The following FANCM variants were observed in gnomAD, a reference collection of about 807,000 sequenced individuals.
The protein encoded by FANCM is FA complementation group M.
A neutral mutation model predicts 199.5 loss-of-function variants in FANCM; 140 were observed. The ratio of observed to expected loss-of-function variants is 0.70; its 90% CI spans 0.61 to 0.81. FANCM has a LOEUF of 0.81. FANCM is among the 30% of genes least tolerant of loss of function. The pLI, the probability that FANCM is intolerant of heterozygous loss-of-function variation, is 0.00. For missense variants in FANCM, 2,410 were observed against 2,421.4 expected, an observed-to-expected ratio of 1.00 and a Z score of 0.10; for synonymous variants, 840 against 836.8, an observed-to-expected ratio of 1.00 and a Z score of -0.07.
chr14:45,147,479 C>T (rs1221376383), intron 3 of FANCM, among the ~76,000 whole-genome samples: 1 of 152,012 alleles, frequency 6.6e-6, no homozygotes, highest in Non-Finnish European at 1.5e-5. Context: ...TATGGGGTCT[C>T]ACTATGTTGC....
intron 3 of FANCM, among the ~76,000 whole-genome samples, chr14:45,148,200 A>AACACACACAGAC (rs1886560956): frequency 1.4e-5 from 2 of 142,354 alleles, no homozygotes; most frequent in African/African-American, 5.2e-5. Flanking sequence ...CCGTCTCAAA[A>AACACACACAGAC]ACACACACAC....
rs1236313873 is a variant in FANCM, at chr14:45,177,000, CTA to C, written c.4222+27_4222+28del. On this transcript the variant is annotated intron_variant, in intron 14 of 22. Transcript: ENST00000267430. ...AGGTAAGATTCCATCTTTATAAAGT[CTA>C]TAACTCTTTCTAGAATAATTACTCT... 5.7e-6 allele frequency: 8 copies of C among 1,400,418 alleles called. No homozygotes were observed. The African/African-American group carries it at 8.5e-5, about 15-fold the overall frequency. The allele number at this position is 1,400,418 out of a possible 1,614,324, so 86.7% of individuals were successfully genotyped here.
Position 45,181,668 on chromosome 14 carries a change from T to C in FANCM, c.4349T>C (p.Leu1450Pro). Residue 1450 changes from leucine (L) to proline (P), a missense_variant, in exon 16 of 23, where the codon CTT (leucine) becomes CCT (proline). By Grantham distance (98) the Leu-to-Pro change is moderately conservative. Transcript: ENST00000267430. ...AAAAATAGTGAAGTTGATTCTCCAC[T>C]TCATGCTGTCAAAAAGCGCAGATTT... ...DQKNSEVDSP[L>P]HAVKKRRFPI... The C allele has an allele frequency of 1.2e-6, 2 of 1,611,666 alleles. No individual in the cohort carries two copies. Among genetic ancestry groups the C allele is most frequent in the African/African-American group, 1.3e-5 (1 of 75,014 alleles).
At chr14:45,199,724 A>G (rs1890258018) in intron 22 of FANCM, 146 bp from the exon 23 acceptor site, 1 of 638,300 alleles carries the variant, frequency 1.6e-6, no homozygotes, top group South Asian at 2.0e-5. Flanking sequence ...TTTTATCCAA[A>G]CTAATGTTCA....
chr14:45,145,875 C>T (rs1268008132), intron 3 of FANCM, among the ~76,000 whole-genome samples: 2 of 151,404 alleles, frequency 1.3e-5, no homozygotes, highest in Non-Finnish European at 1.5e-5. Context: ...CCGGCTAAAA[C>T]GGTGAAACCC....
rs534229547 is a variant in FANCM, at chr14:45,176,947, A to G, written c.4193A>G (p.Tyr1398Cys). The change falls in exon 14 of 23, where the codon TAT becomes TGT. Residue 1398 changes from tyrosine to cysteine, a missense_variant. By Grantham distance (194) the Tyr-to-Cys change is radical. Transcript: ENST00000267430. ...LEKSKSSGPM[Y>C]LHKSCHSVED... The stretch of plus-strand genomic sequence containing the variant: ...AAGTCTAAAAGCAGTGGTCCAATGT[A>G]TCTGCATAAATCCTGTCATTCTGTT... 1.0e-5 allele frequency: 16 copies of G among 1,601,770 alleles called. No homozygotes were observed. Among genetic ancestry groups the G allele is most frequent in the South Asian group, 8.8e-5 (8 of 90,810 alleles).
intron 3 of FANCM, among the ~76,000 whole-genome samples, chr14:45,146,016 G>A (rs1886345790): frequency 7.0e-6 from 1 of 142,278 alleles, no homozygotes; most frequent in Non-Finnish European, 1.5e-5. Context: ...CCGAGATCCC[G>A]CCACTGCACT....
intron 3 of FANCM, among the ~76,000 whole-genome samples, chr14:45,143,927 C>T (rs1422826421): frequency 8.6e-5 from 13 of 150,626 alleles, no homozygotes; most frequent in African/African-American, 2.2e-4. Flanking sequence ...CCCCTGACCT[C>T]GTGATCTACC....
intron 20 of FANCM, among the ~76,000 whole-genome samples, chr14:45,190,282 T>G (rs1889683473): frequency 1.3e-5 from 2 of 152,224 alleles, no homozygotes; most frequent in Admixed American, 6.5e-5. Flanking sequence ...ATTCATTATT[T>G]GGTTAACTAG....
In FANCM at chr14:45,136,007, G is replaced by C; in HGVS notation, c.-25G>C. The C allele has an allele frequency of 1.2e-6, 2 of 1,612,592 alleles. No homozygotes were observed. Reference sequence around the variant, plus strand: ...CTGCTGCTGCTACGGATATCTGACAGAAGCCTTCGGTGGTTGTCGGCCTAA... The same window carrying C: ...CTGCTGCTGCTACGGATATCTGACACAAGCCTTCGGTGGTTGTCGGCCTAA... On this transcript the variant is annotated 5_prime_UTR_variant, in exon 1 of 23. Transcript: ENST00000267430.
At position 45,175,487 on chromosome 14, in the gene FANCM, T is replaced by C; in HGVS notation, c.2733T>C (p.Thr911=). Residue 911 remains threonine, a synonymous_variant, in exon 14 of 23, where the codon ACT becomes ACC. Transcript: ENST00000267430. ...SDTDEIAATC[T]INENVIKEPC... ...CAGATGAAATTGCTGCCACATGTAC[T>C]ATTAATGAAAATGTTATTAAAGAAC... 6.2e-7 allele frequency: 1 copy of C among 1,612,578 alleles called. No individual in the cohort carries two copies. The highest frequency in any genetic ancestry group is 8.5e-7 in the Non-Finnish European group (1 of 1,179,116).
chr14:45,136,554 A>T lies in FANCM; in HGVS notation c.508+15A>T. ...CGAAATGACAGGTATCTTAGACTGG[A>T]CTAATTTTGAAGTAAGAGCTGGGAA... is the stretch of plus-strand genomic sequence containing the variant. On this transcript the variant is annotated intron_variant, in intron 1 of 22. Transcript: ENST00000267430. 6.2e-7 allele frequency: 1 copy of T among 1,611,614 alleles called. No individual in the cohort carries two copies. The highest frequency in any genetic ancestry group is 8.5e-7 in the Non-Finnish European group (1 of 1,179,554).
intron 12 of FANCM, 133 bp from the exon 13 acceptor site, chr14:45,172,922 G>A: frequency 1.5e-6 from 1 of 659,410 alleles, no homozygotes; most frequent in Non-Finnish European, 2.7e-6. Context: ...TTTCTTCTGA[G>A]ATTTTAGTTG....
rs767396394 is a variant in FANCM, at chr14:45,148,889, C to G, written c.812C>G (p.Ser271Cys). ...CTAATTGGGCAGATAGAGCTTCGTT[C>G]TGAAGATTCTCCAGATATTTTGACA... ...NLLIGQIELR[S>C]EDSPDILTYS... Residue 271 changes from serine to cysteine, a missense_variant, in exon 4 of 23, where the codon TCT becomes TGT. Coordinates refer to ENST00000267430, the MANE Select transcript of FANCM (RefSeq NM_020937.4). 6.2e-6 allele frequency: 10 copies of G among 1,611,986 alleles called. No individual in the cohort carries two copies. In the Admixed American group the frequency reaches 1.7e-4, roughly 27 times the overall value.
rs1338806092 is a variant in FANCM, at chr14:45,143,438, C to G, written c.759+2729C>G. Among the ~76,000 whole-genome samples the G allele has an allele frequency of 2.6e-5, 4 of 152,112 alleles. No homozygotes were observed. In the South Asian group the frequency reaches 8.3e-4, roughly 32 times the overall value. ...TCAAGTGATCCACCTGTCTCAGCCT[C>G]TCAAAGTGCTGGGATTATTGGCATG... is the stretch of plus-strand genomic sequence containing the variant. On this transcript the variant is annotated intron_variant, in intron 3 of 22. Transcript: ENST00000267430.
Position 45,185,245 on chromosome 14 carries a change from A to T in FANCM, c.4544A>T (p.Glu1515Val), listed in dbSNP as rs574922218. Residue 1515 changes from glutamate (E) to valine (V), a missense_variant, in exon 18 of 23, where the codon GAA (glutamate) becomes GTA (valine). Glu to Val is a moderately radical substitution (Grantham distance 121, BLOSUM62 -2). Coordinates refer to ENST00000267430, the MANE Select transcript of FANCM (RefSeq NM_020937.4). Reference sequence around the variant, plus strand: ...GTAGCTAGGAAGTTTTTAGATGATGAAGCAGAACTTTCTGAAGAAGATGCA... The same window carrying T: ...GTAGCTAGGAAGTTTTTAGATGATGTAGCAGAACTTTCTGAAGAAGATGCA... ...KHVARKFLDD[E>V]AELSEEDAEY... 6.2e-7 allele frequency: 1 copy of T among 1,604,962 alleles called. No individual in the cohort carries two copies. The highest frequency in any genetic ancestry group is 1.7e-5 in the Admixed American group (1 of 59,926).
At chr14:45,144,575 C>G (rs541961033) in intron 3 of FANCM, among the ~76,000 whole-genome samples, 143 of 152,342 alleles carry the variant, frequency 9.4e-4, no homozygotes, top group African/African-American at 3.2e-3. Context: ...GTCCTTCTCA[C>G]TCTTTCTTTC....
rs1157235486 is a variant in FANCM, at chr14:45,189,149, T to C, written c.5127T>C (p.Pro1709=). The change falls in exon 20 of 23, where the codon CCT becomes CCC. Residue 1709 remains proline, a synonymous_variant. Transcript: ENST00000267430. ...KQQDHCLNSV[P]SGSSAQSKVR... ...AGGACCATTGTTTAAATTCAGTGCC[T>C]TCTGGATCTTCTGCGCAGTCCAAGG... 2 of 1,614,202 alleles carry C rather than the reference T, an allele frequency of 1.2e-6. No individual in the cohort carries two copies. Among genetic ancestry groups the C allele is most frequent in the East Asian group, 2.2e-5 (1 of 44,884 alleles).
At chr14:45,171,818 T>C (rs1156828463) in intron 12 of FANCM, among the ~76,000 whole-genome samples, 2 of 152,116 alleles carry the variant, frequency 1.3e-5, no homozygotes, top group Admixed American at 6.6e-5. Flanking sequence ...GCTATAAATA[T>C]GGGTGTGCGA....
Sources: allele counts gnomAD v4.1 joint callset (sites outside exome capture counted in the v4.1 genomes callset), GRCh38; gene constraint gnomAD v4.1.1; transcripts MANE v1.5; gene names NCBI Gene and HGNC (gene_info 2026-07-23, HGNC 2026-07-21).